Variants in CHAF1B observed in about 807,000 individuals in gnomAD.
CHAF1B encodes chromatin assembly factor 1 subunit B.
A neutral mutation model predicts 60.7 loss-of-function variants in CHAF1B; 10 were observed. The ratio of observed to expected loss-of-function variants is 0.16; its 90% CI spans 0.10 to 0.28. The LOEUF is 0.28. Among genes scored for constraint, CHAF1B ranks in the 10% least tolerant of loss-of-function variants. The pLI, the probability that CHAF1B is intolerant of heterozygous loss-of-function variation, is 1.00. For synonymous variants in CHAF1B, 261 were observed against 266.1 expected (o/e 0.98, Z 0.19); for missense variants, 558 against 708.4 (o/e 0.79, Z 2.41).
chr21:36,391,907 A>AT (rs55920360), intron 4 of CHAF1B, among the ~76,000 whole-genome samples: 7,747 of 66,982 alleles, frequency 0.12, 775 homozygotes, highest in East Asian at 0.33. Flanking sequence ...TGATTTTTAA[A>AT]TTTTTTTTTT....
At chr21:36,398,118 T>G (rs1161151479) in intron 6 of CHAF1B, 1 of 151,646 alleles carries the variant, frequency 6.6e-6, no homozygotes, top group Non-Finnish European at 1.5e-5. Flanking sequence ...AGTGGTGCAA[T>G]CACAGCTCAC....
At chr21:36,399,418 T>C (rs915632397) in intron 6 of CHAF1B, 103 bp from the exon 7 acceptor site, 31 of 929,164 alleles carry the variant, frequency 3.3e-5, no homozygotes, top group Non-Finnish European at 5.1e-5. Context: ...TTTTGCAGGC[T>C]GAAAACTGTT....
Position 36,416,289 on chromosome 21 carries a change from G to T in CHAF1B, c.1603G>T (p.Ala535Ser). ...TAATGTTGCAGAGACGCCTGGAGAC[G>T]CTCAGGGCAGTCCCCCAGAGCTAAA... ...EEIQSETPGDAQGSPPELKRP... is the reference protein window; with the variant it reads ...EEIQSETPGDSQGSPPELKRP... The change falls in exon 14 of 14, where the codon GCT (alanine) becomes TCT (serine). Residue 535 changes from alanine to serine, a missense_variant. Ala to Ser is a moderately conservative substitution (Grantham distance 99). This residue lies in a region of CHAF1B where 233 missense variants were observed against 214.9 expected (regional missense o/e 1.08). Coordinates refer to ENST00000314103, the MANE Select transcript of CHAF1B (RefSeq NM_005441.3). 1.9e-6 allele frequency: 3 copies of T among 1,613,854 alleles called. No homozygotes were observed. Among genetic ancestry groups the T allele is most frequent in the Non-Finnish European group, 2.5e-6 (3 of 1,179,876 alleles).
chr21:36,393,486 T>G (rs1390896686), intron 4 of CHAF1B, among the ~76,000 whole-genome samples: 1 of 150,370 alleles, frequency 6.7e-6, no homozygotes, highest in African/African-American at 2.4e-5. Context: ...AGTTTTGCTC[T>G]TGTTGCCCAG....
rs542121327 is a variant in CHAF1B, at chr21:36,395,855, G to T, written c.481+1205G>T. ...TCTTCCTGCCAATTCTACAACTCAA[G>T]TACCTGGGTAGGGCAGTTGTTGTTG... On this transcript the variant is annotated intron_variant, in intron 5 of 13. Transcript: ENST00000314103. Among the ~76,000 whole-genome samples the T allele has an allele frequency of 9.2e-5, 14 of 152,274 alleles. No individual in the cohort carries two copies. In the South Asian group the frequency reaches 2.9e-3, roughly 32 times the overall value.
intron 4 of CHAF1B, among the ~76,000 whole-genome samples, chr21:36,393,993 G>C (rs907864126): frequency 1.3e-5 from 2 of 151,588 alleles, no homozygotes; most frequent in Non-Finnish European, 2.9e-5. Context: ...TCTGCCTGCT[G>C]GGTTCAGGGG....
At position 36,413,067 on chromosome 21, in the gene CHAF1B, G is replaced by T; in HGVS notation, c.1245G>T (p.Pro415=). ...GAGGGTCTTCGCCAGGACCCAGACC[G>T]GTAGAGGGAACCCCTGCCAGCAGAA... is the stretch of plus-strand genomic sequence containing the variant. ...THRGSSPGPR[P]VEGTPASRTQ... Residue 415 remains proline (P), a synonymous_variant, in exon 12 of 14, where the codon CCG becomes CCT. Transcript: ENST00000314103. 1 of 1,614,178 alleles carries T rather than the reference G, an allele frequency of 6.2e-7. No individual in the cohort carries two copies. The highest frequency in any genetic ancestry group is 8.5e-7 in the Non-Finnish European group (1 of 1,180,042).
chr21:36,387,650 C>T lies in CHAF1B; in HGVS notation c.179C>T (p.Ser60Phe). The change falls in exon 3 of 14, where the codon TCC (serine) becomes TTC (phenylalanine). Residue 60 changes from serine (S) to phenylalanine (F), a missense_variant. Physicochemically the swap from Ser to Phe is radical, Grantham distance 155. Around this residue, in one of 2 missense-constraint regions of CHAF1B, gnomAD observed 325 missense variants for 493.5 expected, o/e 0.66. Coordinates refer to ENST00000314103, the MANE Select transcript of CHAF1B (RefSeq NM_005441.3). ...GGAAAAGCCATCGTGGAATTTTTGT[C>T]CAATCTTGCTCGTCATACCAAAGCC... ...PDGKAIVEFL[S>F]NLARHTKAVN... 6.2e-7 allele frequency: 1 copy of T among 1,614,130 alleles called. No individual in the cohort carries two copies. The highest frequency in any genetic ancestry group is 8.5e-7 in the Non-Finnish European group (1 of 1,180,032).
intron 6 of CHAF1B, 190 bp downstream of exon 6, chr21:36,397,701 A>G (rs2086153002): frequency 5.9e-6 from 2 of 338,426 alleles, no homozygotes; most frequent in Non-Finnish European, 5.3e-6. Flanking sequence ...CCTTACACGA[A>G]GTTTGTACTT....
intron 2 of CHAF1B, among the ~76,000 whole-genome samples, chr21:36,386,736 C>T (rs1407796181): frequency 2.0e-5 from 3 of 148,454 alleles, no homozygotes; most frequent in African/African-American, 5.0e-5. Context: ...TTTTTTGAGA[C>T]GGAGTCTTGC....
chr21:36,408,290 A>G (rs1170943719), intron 8 of CHAF1B, among the ~76,000 whole-genome samples: 1 of 152,132 alleles, frequency 6.6e-6, no homozygotes, highest in Non-Finnish European at 1.5e-5. Context: ...GCAGAGGGCA[A>G]GGTCTCCTGG....
At chr21:36,388,422 A>AATTAAATG (rs2086053463) in intron 3 of CHAF1B, among the ~76,000 whole-genome samples, 1 of 151,234 alleles carries the variant, frequency 6.6e-6, no homozygotes, top group African/African-American at 2.4e-5. Flanking sequence ...CTGTGTAATT[A>AATTAAATG]ATTAAATGGC....
intron 7 of CHAF1B, among the ~76,000 whole-genome samples, chr21:36,401,689 A>C (rs1445410942): frequency 1.4e-5 from 2 of 141,542 alleles, no homozygotes; most frequent in Non-Finnish European, 3.0e-5. Flanking sequence ...TATCTATTAC[A>C]TATATATATA....
At chr21:36,394,912 AG>A (rs2086124872) in intron 5 of CHAF1B, among the ~76,000 whole-genome samples, 1 of 151,338 alleles carries the variant, frequency 6.6e-6, no homozygotes, top group Admixed American at 6.6e-5. Flanking sequence ...TTGTATTTTT[AG>A]TAGAGACGGG....
chr21:36,413,446 T>A, intron 12 of CHAF1B, 131 bp downstream of exon 12: 1 of 836,574 alleles, frequency 1.2e-6, no homozygotes, highest in Non-Finnish European at 1.8e-6. Context: ...GAGAGATTCT[T>A]AACTTCAAAT....
At chr21:36,411,168 C>G (rs1485158312) in intron 10 of CHAF1B, among the ~76,000 whole-genome samples, 1 of 148,652 alleles carries the variant, frequency 6.7e-6, no homozygotes, top group Non-Finnish European at 1.5e-5. Context: ...GGCTGGAGTA[C>G]AGTGGTGCAA....
At chr21:36,401,716 G>A (rs1362354472) in intron 7 of CHAF1B, among the ~76,000 whole-genome samples, 4 of 143,772 alleles carry the variant, frequency 2.8e-5, no homozygotes, top group South Asian at 2.1e-4. Flanking sequence ...TAGTAATGCC[G>A]GCTTCCTTGT....
chr21:36,402,713 AAAAC>A (rs747978369), intron 7 of CHAF1B, 41 bp from the exon 8 acceptor site: 47 of 1,514,438 alleles, frequency 3.1e-5, no homozygotes, highest in Admixed American at 1.8e-4. Context: ...TTGTGTGTAG[AAAAC>A]AAACAAAAAA....
intron 3 of CHAF1B, among the ~76,000 whole-genome samples, chr21:36,389,960 A>C (rs1336858485): frequency 6.6e-6 from 1 of 152,048 alleles, no homozygotes; most frequent in Non-Finnish European, 1.5e-5. Context: ...GCACGTGGAG[A>C]GTGTTCATCC....
Sources: allele counts gnomAD v4.1 joint callset (sites outside exome capture counted in the v4.1 genomes callset), GRCh38; gene constraint gnomAD v4.1.1; regional missense constraint gnomAD v4.1.1; transcripts MANE v1.5; gene names NCBI Gene and HGNC (gene_info 2026-07-23, HGNC 2026-07-21).